The following ADAMTS14 variants were observed in gnomAD, a reference collection of about 807,000 sequenced individuals.
ADAMTS14 encodes the protein A disintegrin and metalloproteinase with thrombospondin motifs 14.
ADAMTS14 carries 100 observed loss-of-function variants against 128.6 expected under a neutral mutation model. The ratio of observed to expected loss-of-function variants is 0.78; its 90% confidence interval spans 0.66 to 0.92. The LOEUF is 0.92. Among genes scored for constraint, ADAMTS14 ranks in the 40% least tolerant of loss-of-function variants. The probability of loss-of-function intolerance (pLI) is 0.00; values close to 1 mark genes in which losing one functional copy is unlikely to be tolerated. For synonymous variants in ADAMTS14, 665 were observed against 653.8 expected (o/e 1.02, Z -0.26); for missense variants, 1,562 against 1,658.6 (o/e 0.94, Z 1.01).
chr10:70,761,068 C>G lies in ADAMTS14; in HGVS notation c.*215C>G. On this transcript the variant is annotated 3_prime_UTR_variant, in exon 22 of 22. Transcript: ENST00000373207. ...AAAGCCCTAATCGGAGATACCTCAG[C>G]AAGCTGCCCCCGGCGGGACTGACCC... 5 of 695,884 alleles carry G rather than the reference C, an allele frequency of 7.2e-6. No homozygotes were observed. The highest frequency in any genetic ancestry group is 1.1e-5 in the Non-Finnish European group (5 of 457,574). The allele number at this position is 695,884 out of a possible 1,614,324, so 43.1% of individuals were successfully genotyped here.
At chr10:70,739,027 T>C (rs1188798422) in intron 11 of ADAMTS14, 37 bp downstream of exon 11, 1 of 1,567,344 alleles carries the variant, frequency 6.4e-7, no homozygotes. Context: ...GGGCAGGGAG[T>C]CCCTCCCCAG....
chr10:70,696,247 G>C (rs554187003), intron 2 of ADAMTS14, among the ~76,000 whole-genome samples: 12 of 152,236 alleles, frequency 7.9e-5, no homozygotes, highest in African/African-American at 2.9e-4. Flanking sequence ...GTGATCCTGA[G>C]CACGGAGTAG....
Position 70,760,567 on chromosome 10 carries a change from A to G in ADAMTS14, c.3386A>G (p.Asp1129Gly). ...SPLPGPQDPA[D>G]AAEPPGKPTG... is the part of the protein sequence containing the mutation. ...TTACCAGGACCCCAGGACCCTGCAGATGCTGCAGAGCCTCCTGGAAAGCCA... is the reference window on the plus strand; with the variant it reads ...TTACCAGGACCCCAGGACCCTGCAGGTGCTGCAGAGCCTCCTGGAAAGCCA... The change falls in exon 22 of 22, where the codon GAT becomes GGT. Residue 1129 changes from aspartate to glycine, a missense_variant. Physicochemically the swap from Asp to Gly is moderately conservative, Grantham distance 94. Transcript: ENST00000373207. The G allele has an allele frequency of 6.2e-7, 1 of 1,613,602 alleles. No individual in the cohort carries two copies. Among genetic ancestry groups the G allele is most frequent in the Non-Finnish European group, 8.5e-7 (1 of 1,179,768 alleles).
chr10:70,711,702 G>A (rs1333680415), intron 4 of ADAMTS14, among the ~76,000 whole-genome samples: 2 of 152,214 alleles, frequency 1.3e-5, no homozygotes, highest in African/African-American at 4.8e-5. Context: ...TTCCCTGAGG[G>A]GAGGGGCTTT....
chr10:70,732,386 G>T lies in ADAMTS14; in HGVS notation c.1208+27G>T, dbSNP rs542112935. On this transcript the variant is annotated intron_variant, in intron 7 of 21. Transcript: ENST00000373207. ...TAAGTGGCAGCAGCACGGTGGGTGG[G>T]ACTGGCAGCTGTGCCGTGAGCTCCA... is the stretch of plus-strand genomic sequence containing the variant. 474 of 1,584,058 alleles carry T rather than the reference G, an allele frequency of 3.0e-4. 5 individuals carry two copies. In the South Asian group the frequency reaches 5.0e-3, roughly 17 times the overall value.
In ADAMTS14 at chr10:70,672,676, C is replaced by A. The variant is rs537346687; in HGVS notation, c.-127C>A. 3.2e-4 allele frequency: 394 copies of A among 1,228,702 alleles called. No individual in the cohort carries two copies. The African/African-American group carries it at 5.8e-3, about 18-fold the overall frequency. The allele number at this position is 1,228,702 out of a possible 1,614,324, so 76.1% of individuals were successfully genotyped here. A position where few individuals can be genotyped will look rare whatever the true frequency, so the allele number is the denominator to read the frequency against. ...GGAGGGAAGCAGCTAGGCGGGGAGG[C>A]GGCTGAGGCGGCAGCGGCGGCAGCC... is the stretch of plus-strand genomic sequence containing the variant. On this transcript the variant is annotated 5_prime_UTR_variant, in exon 1 of 22. Transcript: ENST00000373207.
At chr10:70,739,559 A>G (rs1415682444) in intron 11 of ADAMTS14, among the ~76,000 whole-genome samples, 1 of 151,622 alleles carries the variant, frequency 6.6e-6, no homozygotes, top group East Asian at 1.9e-4. Flanking sequence ...CTAGTTCTCC[A>G]TCTCCATCTC....
rs118175158 is a variant in ADAMTS14, at chr10:70,753,073, C to T, written c.2730-727C>T. On this transcript the variant is annotated intron_variant, in intron 18 of 21. Coordinates refer to ENST00000373207, the MANE Select transcript of ADAMTS14 (RefSeq NM_080722.4). Reference sequence around the variant, plus strand: ...GAGTTCCTGGCCGGTATCCCCCAGCCCCTACCCCTTTGGGGTTTTAAGGAA... The same window carrying T: ...GAGTTCCTGGCCGGTATCCCCCAGCTCCTACCCCTTTGGGGTTTTAAGGAA... 4.9e-4 allele frequency among the ~76,000 whole-genome samples: 74 copies of T among 152,346 alleles called. No homozygotes were observed. In the East Asian group the frequency reaches 0.013, roughly 27 times the overall value.
intron 11 of ADAMTS14, among the ~76,000 whole-genome samples, chr10:70,739,386 G>T (rs1841926046): frequency 1.3e-5 from 2 of 152,044 alleles, no homozygotes; most frequent in African/African-American, 4.8e-5. Context: ...ACCACATGGA[G>T]AAAATCTCCC....
At chr10:70,678,926 C>G (rs529584951) in intron 2 of ADAMTS14, among the ~76,000 whole-genome samples, 1 of 151,924 alleles carries the variant, frequency 6.6e-6, no homozygotes, top group African/African-American at 2.4e-5. Context: ...ATGCCTAACA[C>G]TGGGGTATGG....
intron 4 of ADAMTS14, among the ~76,000 whole-genome samples, chr10:70,725,545 A>G (rs1841402043): frequency 6.6e-6 from 1 of 152,188 alleles, no homozygotes; most frequent in South Asian, 2.1e-4. Context: ...TGGTTCATAG[A>G]TGGTGACTTC....
At chr10:70,721,760 A>T (rs140481514) in intron 4 of ADAMTS14, among the ~76,000 whole-genome samples, 3 of 152,400 alleles carry the variant, frequency 2.0e-5, no homozygotes, top group African/African-American at 4.8e-5. Flanking sequence ...ACTTCTTCAC[A>T]TTCAGAGCAG....
chr10:70,708,792 T>A lies in ADAMTS14; in HGVS notation c.870+14T>A, dbSNP rs749258421. 50 of 1,338,770 alleles carry A rather than the reference T, an allele frequency of 3.7e-5. No individual in the cohort carries two copies. Among genetic ancestry groups the A allele is most frequent in the Non-Finnish European group, 4.6e-5 (46 of 991,016 alleles). 82.9% of individuals were successfully genotyped at this position (1,338,770 alleles called of 1,614,324 possible). A position where few individuals can be genotyped will look rare whatever the true frequency, so the allele number is the denominator to read the frequency against. ...CTCATGAATATCGTGAGTGTCCATG[T>A]GTCCTAGGACTTGGGGGGAGTGGGG... On this transcript the variant is annotated intron_variant, in intron 4 of 21. Coordinates refer to ENST00000373207, the MANE Select transcript of ADAMTS14 (RefSeq NM_080722.4).
At chr10:70,759,527 T>C (rs894556125) in intron 21 of ADAMTS14, among the ~76,000 whole-genome samples, 20 of 152,238 alleles carry the variant, frequency 1.3e-4, no homozygotes, top group Admixed American at 1.3e-4. Flanking sequence ...TTGTTTGCAA[T>C]GTTATTATTC....
intron 12 of ADAMTS14, among the ~76,000 whole-genome samples, chr10:70,742,954 A>G (rs1264824827): frequency 6.6e-6 from 1 of 152,198 alleles, no homozygotes; most frequent in Non-Finnish European, 1.5e-5. Context: ...ATGTTTACAA[A>G]CATGTTAAGA....
At chr10:70,744,748 T>G (rs1246069172) in intron 14 of ADAMTS14, among the ~76,000 whole-genome samples, 1 of 152,176 alleles carries the variant, frequency 6.6e-6, no homozygotes, top group Non-Finnish European at 1.5e-5. Context: ...TTGTCTCACC[T>G]TTGATTGTTG....
intron 3 of ADAMTS14, among the ~76,000 whole-genome samples, chr10:70,703,093 A>G (rs1396536799): frequency 6.6e-6 from 1 of 152,224 alleles, no homozygotes; most frequent in Non-Finnish European, 1.5e-5. Context: ...TAGGTGCTGG[A>G]TAAATGGCAG....
intron 14 of ADAMTS14, among the ~76,000 whole-genome samples, chr10:70,744,390 T>G (rs951568252): frequency 6.6e-6 from 1 of 152,144 alleles, no homozygotes; most frequent in African/African-American, 2.4e-5. Context: ...GGCAAGCTCC[T>G]CCCTGAGTTT....
At chr10:70,736,943 G>C in intron 10 of ADAMTS14, 150 bp downstream of exon 10, 1 of 651,728 alleles carries the variant, frequency 1.5e-6, no homozygotes, top group Non-Finnish European at 2.6e-6. Flanking sequence ...GGTGAGTCCA[G>C]TGTGTGGGTA....
Sources: allele counts gnomAD v4.1 joint callset (sites outside exome capture counted in the v4.1 genomes callset), GRCh38; gene constraint gnomAD v4.1.1; transcripts MANE v1.5; gene names NCBI Gene and HGNC (gene_info 2026-07-23, HGNC 2026-07-21).